BCAT1: variants seen among roughly 807,000 people sequenced by gnomAD.
BCAT1 encodes the protein branched-chain-amino-acid aminotransferase, cytosolic.
Under a neutral mutation model 52.4 loss-of-function variants are expected in BCAT1, and 48 were observed. The observed-to-expected ratio is 0.92, with a 90% confidence interval of 0.73 to 1.16. BCAT1 has a LOEUF of 1.16. Ranked by LOEUF, BCAT1 falls within the 50% of genes most tolerant of loss-of-function variation. The pLI is 0.00. For synonymous variants in BCAT1, 167 were observed against 161.3 expected (o/e 1.04, Z -0.27); for missense variants, 451 against 457.1 (o/e 0.99, Z 0.12).
chr12:24,819,850 G>A (rs1940042787), intron 10 of BCAT1, among the ~76,000 whole-genome samples: 1 of 152,196 alleles, frequency 6.6e-6, no homozygotes, highest in Admixed American at 6.5e-5. Flanking sequence ...CCTACAGACT[G>A]TAACTGCCCG....
intron 3 of BCAT1, among the ~76,000 whole-genome samples, chr12:24,886,706 A>G (rs189951218): frequency 2.7e-4 from 41 of 152,100 alleles, no homozygotes; most frequent in African/African-American, 9.4e-4. Flanking sequence ...TATTCTTTTT[A>G]TACTGCAATG....
intron 3 of BCAT1, among the ~76,000 whole-genome samples, chr12:24,883,063 G>A (rs1319592161): frequency 6.6e-6 from 1 of 151,688 alleles, no homozygotes; most frequent in East Asian, 2.0e-4. Flanking sequence ...AAGGCTGTTG[G>A]ATCACTTGAG....
At chr12:24,846,008 C>T (rs1941334226) in intron 6 of BCAT1, among the ~76,000 whole-genome samples, 1 of 152,134 alleles carries the variant, frequency 6.6e-6, no homozygotes, top group Admixed American at 6.5e-5. Flanking sequence ...TTTTCATATA[C>T]AAAATGCCCT....
chr12:24,847,358 C>T (rs1941377308), intron 6 of BCAT1, among the ~76,000 whole-genome samples: 1 of 152,146 alleles, frequency 6.6e-6, no homozygotes, highest in South Asian at 2.1e-4. Context: ...TAATGAACCA[C>T]ATTGACATAC....
intron 1 of BCAT1, among the ~76,000 whole-genome samples, chr12:24,927,889 T>A (rs972596097): frequency 1.3e-5 from 2 of 152,204 alleles, no homozygotes; most frequent in Non-Finnish European, 2.9e-5. Context: ...AAATCTACCA[T>A]CCCTATCTGG....
intron 7 of BCAT1, among the ~76,000 whole-genome samples, chr12:24,840,051 A>G (rs1176461620): frequency 6.6e-6 from 1 of 152,232 alleles, no homozygotes; most frequent in Non-Finnish European, 1.5e-5. Context: ...TCTGAATAGT[A>G]ACTAACAGTC....
chr12:24,881,181 A>T, intron 4 of BCAT1, 120 bp downstream of exon 4: 1 of 713,528 alleles, frequency 1.4e-6, no homozygotes, highest in Non-Finnish European at 2.2e-6. Flanking sequence ...AAATAATGTT[A>T]ATGTTCATAT....
At chr12:24,862,253 G>C (rs1021207446) in intron 5 of BCAT1, among the ~76,000 whole-genome samples, 9 of 152,156 alleles carry the variant, frequency 5.9e-5, no homozygotes, top group Admixed American at 3.9e-4. Flanking sequence ...TCTTGTGTGA[G>C]ATCCAAGAAT....
chr12:24,920,375 A>G (rs1943484040), intron 1 of BCAT1, among the ~76,000 whole-genome samples: 1 of 152,216 alleles, frequency 6.6e-6, no homozygotes, highest in African/African-American at 2.4e-5. Flanking sequence ...TGCAGGGCTG[A>G]GAAGTAATGC....
intron 6 of BCAT1, among the ~76,000 whole-genome samples, chr12:24,844,894 C>CAAAAAAAAAAAAAAAAAAAAAAAAA (rs11318750): frequency 2.8e-5 from 1 of 36,002 alleles, no homozygotes. Context: ...GAGACTGTCT[C>CAAAAAAAAAAAAAAAAAAAAAAAAA]AAAAAAAAAA....
intron 3 of BCAT1, among the ~76,000 whole-genome samples, chr12:24,886,134 C>T (rs1010083492): frequency 2.0e-5 from 3 of 152,096 alleles, no homozygotes; most frequent in Non-Finnish European, 4.4e-5. Context: ...TATGAAAAGG[C>T]GAGCTGGGAA....
chr12:24,852,898 T>C (rs1245595097), intron 5 of BCAT1, among the ~76,000 whole-genome samples: 2 of 152,232 alleles, frequency 1.3e-5, no homozygotes, highest in Non-Finnish European at 2.9e-5. Context: ...ACCAATTCAT[T>C]GTCTTTTCAT....
At chr12:24,890,640 C>T (rs1257358576) in intron 3 of BCAT1, among the ~76,000 whole-genome samples, 1 of 152,242 alleles carries the variant, frequency 6.6e-6, no homozygotes, top group East Asian at 1.9e-4. Flanking sequence ...GGGAAGTTAA[C>T]CTACAAGGTC....
intron 5 of BCAT1, among the ~76,000 whole-genome samples, chr12:24,856,490 A>T (rs1179041665): frequency 6.6e-6 from 1 of 151,882 alleles, no homozygotes; most frequent in African/African-American, 2.4e-5. Context: ...TGAAGACATG[A>T]AAGTGAGGCC....
intron 2 of BCAT1, among the ~76,000 whole-genome samples, chr12:24,898,814 C>A (rs1943022070): frequency 6.6e-6 from 1 of 152,094 alleles, no homozygotes; most frequent in Non-Finnish European, 1.5e-5. Flanking sequence ...CCATGCCAGG[C>A]CTGTCAACAC....
intron 2 of BCAT1, among the ~76,000 whole-genome samples, chr12:24,899,192 C>G (rs1238250051): frequency 6.6e-6 from 1 of 152,080 alleles, no homozygotes; most frequent in Non-Finnish European, 1.5e-5. Flanking sequence ...GGCCCTGCTG[C>G]AAAACTGCAT....
rs538600760 is a variant in BCAT1, at chr12:24,919,010, A to C, written c.7-17125T>G. On this transcript the variant is annotated intron_variant, in intron 1 of 10. Coordinates refer to ENST00000261192, the MANE Select transcript of BCAT1 (RefSeq NM_005504.7). ...TCAGATAAATGTGTGAGCCTCGATA[A>C]ATATCTACTCAATAAATTGATTGAA... Among the ~76,000 whole-genome samples the C allele has an allele frequency of 8.5e-5, 13 of 152,344 alleles. No individual in the cohort carries two copies. In the South Asian group the frequency reaches 2.7e-3, roughly 32 times the overall value.
At chr12:24,823,614 C>T (rs1416919027) in intron 10 of BCAT1, among the ~76,000 whole-genome samples, 1 of 152,136 alleles carries the variant, frequency 6.6e-6, no homozygotes, top group Non-Finnish European at 1.5e-5. Context: ...AGCAAACCTC[C>T]CCCTTGCTGT....
chr12:24,842,251 T>C (rs1227311883), intron 6 of BCAT1, 27 bp from the exon 7 acceptor site: 3 of 1,611,570 alleles, frequency 1.9e-6, no homozygotes, highest in Non-Finnish European at 2.5e-6. Flanking sequence ...ATACACAGGT[T>C]ACAAACATAC....
Sources: allele counts gnomAD v4.1 joint callset (sites outside exome capture counted in the v4.1 genomes callset), GRCh38; gene constraint gnomAD v4.1.1; transcripts MANE v1.5; gene names NCBI Gene and HGNC (gene_info 2026-07-23, HGNC 2026-07-21).